The following KHNYN variants were observed in gnomAD, a reference collection of about 807,000 sequenced individuals.
KHNYN encodes KH and NYN domain containing, also known as protein KHNYN.
Under a neutral mutation model 62.7 loss-of-function variants are expected in KHNYN, and 42 were observed. The ratio of observed to expected loss-of-function variants is 0.67; its 90% CI spans 0.52 to 0.87. The LOEUF is 0.87. Among genes scored for constraint, KHNYN ranks in the 40% least tolerant of loss-of-function variants. KHNYN has a pLI of 0.00. For missense variants in KHNYN, 829 were observed against 874.1 expected (o/e 0.95, Z 0.65); for synonymous variants, 347 against 345.6 (o/e 1.00, Z -0.04).
At chr14:24,433,176 T>C (rs377325756) in intron 5 of KHNYN, 144 bp downstream of exon 5, 15 of 732,368 alleles carry the variant, frequency 2.0e-5, no homozygotes, top group East Asian at 8.0e-5. Flanking sequence ...GTGTGCCTTA[T>C]GATTGGGTAG....
Position 24,441,215 on chromosome 14 carries a change from C to T in KHNYN, c.*3930C>T. On this transcript the variant is annotated 3_prime_UTR_variant, in exon 8 of 8. Transcript: ENST00000553935. ...TAATCAGCTCCCTCATTTATTAACT[C>T]TCTGACTTGATGCAAGTTACTTAAC... The T allele has an allele frequency of 2.0e-6, 1 of 511,728 alleles. No homozygotes were observed. The highest frequency in any genetic ancestry group is 3.5e-6 in the Non-Finnish European group (1 of 284,806). The allele number at this position is 511,728 out of a possible 1,614,324, so 31.7% of individuals were successfully genotyped here. A position where few individuals can be genotyped will look rare whatever the true frequency, so the allele number is the denominator to read the frequency against.
At chr14:24,424,941 T>C (rs1030402325), upstream of KHNYN, among the ~76,000 whole-genome samples, 1 of 152,192 alleles carries the variant, frequency 6.6e-6, no homozygotes, top group African/African-American at 2.4e-5. Context: ...TGGTAGTACT[T>C]TGTGGCCAGA....
upstream of KHNYN, chr14:24,428,203 G>T (rs950225438): frequency 4.6e-5 from 71 of 1,560,326 alleles, 2 homozygotes; most frequent in Non-Finnish European, 6.1e-6. Flanking sequence ...TCAATGGAGA[G>T]TCCACCCGGA....
rs780704127 is a variant in KHNYN at position 24,437,250 on chromosome 14, CAACT to C, written c.2003_2006del (p.Gln668ArgfsTer33). On this transcript the variant is annotated frameshift_variant, in exon 8 of 8. Coordinates refer to ENST00000553935, the MANE Select transcript of KHNYN (RefSeq NM_015299.3). LOFTEE classifies it high-confidence loss of function. This position sits in a 1 kb window ranked among gnomAD's most constrained non-coding sequence, Gnocchi z 5.5. ...GGAGCCATACTGCCGGGACATCAAC[CAACT>C]GTCTGAGGCCCTGCTCAGTCTTAAC... 1.2e-5 allele frequency: 19 copies of C among 1,614,174 alleles called. No individual in the cohort carries two copies. Among genetic ancestry groups the C allele is most frequent in the Admixed American group, 1.7e-5 (1 of 60,026 alleles).
intron 1 of KHNYN, 158 bp downstream of exon 1, chr14:24,430,277 A>G: frequency 1.4e-6 from 1 of 707,700 alleles, no homozygotes; most frequent in Non-Finnish European, 1.7e-6. Flanking sequence ...GGAGAGGGGC[A>G]GCGGACGGCT....
At chr14:24,425,770 A>G (rs1354816506), upstream of KHNYN, among the ~76,000 whole-genome samples, 1 of 152,256 alleles carries the variant, frequency 6.6e-6, no homozygotes, top group Non-Finnish European at 1.5e-5. Context: ...AAGCCTGAGC[A>G]GTGAACAGTT....
chr14:24,434,905 C>T lies in KHNYN; in HGVS notation c.1578-1167C>T, dbSNP rs190623336. On this transcript the variant is annotated intron_variant, in intron 5 of 7. Transcript: ENST00000553935. ...AAGATCTGATTCTTGACTAGAGAGC[C>T]GAAAGAAACCATAAATCAAACACTA... Among the ~76,000 whole-genome samples the T allele has an allele frequency of 3.5e-4, 54 of 152,176 alleles. 1 individual carries two copies. Among genetic ancestry groups the T allele is most frequent in the East Asian group, 2.7e-3 (14 of 5,182 alleles).
rs543713419 is a variant in KHNYN at position 24,432,020 on chromosome 14, C to T, written c.759C>T (p.Tyr253=). 16 of 1,607,876 alleles carry T rather than the reference C, an allele frequency of 1.0e-5. No individual in the cohort carries two copies. Among genetic ancestry groups the T allele is most frequent in the Admixed American group, 3.4e-5 (2 of 59,698 alleles). Residue 253 remains tyrosine, a synonymous_variant, in exon 3 of 8, where the codon TAC becomes TAT. Transcript: ENST00000553935. The surrounding 1 kb of genome is among the most constrained non-coding windows in gnomAD (Gnocchi z 5.6). The part of the protein sequence containing the change: ...GDCRGARGDT[Y]AVEKEGGKQG... ...GCAGGGGAGCAAGGGGAGACACTTA[C>T]GCTGTGGAGAAGGAGGGAGGGAAAC...
chr14:24,435,348 A>C (rs960779671), intron 5 of KHNYN: 2 of 152,370 alleles, frequency 1.3e-5, no homozygotes, highest in Non-Finnish European at 2.9e-5. Context: ...AGAAGGCCTT[A>C]GCTGCCAGGC....
Position 24,441,840 on chromosome 14 carries a change from T to C in KHNYN, c.*4555T>C. On this transcript the variant is annotated 3_prime_UTR_variant, in exon 8 of 8. Transcript: ENST00000553935. ...AATAAAAAGCCACTAAATACATAAG[T>C]GCACATATCCCTCTCTCTGTCTTTT... 3.8e-6 allele frequency: 6 copies of C among 1,581,528 alleles called. No homozygotes were observed. The highest frequency in any genetic ancestry group is 5.2e-6 in the Non-Finnish European group (6 of 1,163,722).
chr14:24,429,350 G>C (rs2273633), upstream of KHNYN: 41,362 of 653,986 alleles, frequency 0.063, 2,440 homozygotes, highest in East Asian at 0.22. Context: ...AGAGCTTCAG[G>C]GCAGCCCTGC....
rs913054560 is a variant in KHNYN, at chr14:24,440,239, G to C, written c.*2954G>C. 1 of 1,613,936 alleles carries C rather than the reference G, an allele frequency of 6.2e-7. No individual in the cohort carries two copies. Among genetic ancestry groups the C allele is most frequent in the South Asian group, 1.1e-5 (1 of 91,090 alleles). On this transcript the variant is annotated 3_prime_UTR_variant, in exon 8 of 8. Coordinates refer to ENST00000553935, the MANE Select transcript of KHNYN (RefSeq NM_015299.3). ...CTTGCACCACAGCGCTGGGGAGAGGGATGAAGGCTCGGCGGCCCAGGGCAG... is the reference window on the plus strand; with the variant it reads ...CTTGCACCACAGCGCTGGGGAGAGGCATGAAGGCTCGGCGGCCCAGGGCAG...
At chr14:24,435,941 G>A (rs962631126) in intron 5 of KHNYN, 131 bp from the exon 6 acceptor site, 1 of 706,922 alleles carries the variant, frequency 1.4e-6, no homozygotes. Flanking sequence ...TACCAATACA[G>A]TTTTGCTACA....
upstream of KHNYN, among the ~76,000 whole-genome samples, chr14:24,426,073 A>C (rs1371120282): frequency 6.6e-6 from 1 of 152,242 alleles, no homozygotes; most frequent in Non-Finnish European, 1.5e-5. Flanking sequence ...TCAGCATATT[A>C]ACTACTTTTT....
upstream of KHNYN, chr14:24,428,644 G>A: frequency 4.6e-6 from 6 of 1,293,442 alleles, no homozygotes; most frequent in South Asian, 7.1e-5. Flanking sequence ...AGTGAAAGAT[G>A]TAGGAAGCTG....
In KHNYN at chr14:24,430,058, G is replaced by A. The variant is rs1015050657; in HGVS notation, c.-79G>A. On this transcript the variant is annotated 5_prime_UTR_variant, in exon 1 of 8. Coordinates refer to ENST00000553935, the MANE Select transcript of KHNYN (RefSeq NM_015299.3). Reference sequence around the variant, plus strand: ...CCCTTGTCCCCTGGGCTGGGGGCGCGGGCAAAGCGGGGGCCTGGCGGGCGC... The same window carrying A: ...CCCTTGTCCCCTGGGCTGGGGGCGCAGGCAAAGCGGGGGCCTGGCGGGCGC... The A allele has an allele frequency of 4.1e-6, 4 of 985,280 alleles. No homozygotes were observed. The African/African-American group carries it at 7.0e-5, about 17-fold the overall frequency. The allele number at this position is 985,280 out of a possible 1,614,324, so 61.0% of individuals were successfully genotyped here. A position where few individuals can be genotyped will look rare whatever the true frequency, so the allele number is the denominator to read the frequency against.
At chr14:24,424,693 G>C (rs541759602), upstream of KHNYN, among the ~76,000 whole-genome samples, 35 of 152,288 alleles carry the variant, frequency 2.3e-4, no homozygotes, top group Middle Eastern at 0.017. Context: ...AGAAGGACTT[G>C]GCTTGCAGTT....
At position 24,436,043 on chromosome 14, in the gene KHNYN, T is replaced by C. The variant is rs2043198713; in HGVS notation, c.1578-29T>C. ...TACCCAGTAGGTAATTTTTCAACCC[T>C]CTCTCGGTTGCTGTGGTTTTGGAGA... On this transcript the variant is annotated intron_variant, in intron 5 of 7. Transcript: ENST00000553935. 5 of 1,576,226 alleles carry C rather than the reference T, an allele frequency of 3.2e-6. No homozygotes were observed. In the South Asian group the frequency reaches 4.4e-5, roughly 14 times the overall value.
intron 5 of KHNYN, chr14:24,434,378 T>C (rs2043173050): frequency 1.0e-6 from 1 of 985,160 alleles, no homozygotes; most frequent in Admixed American, 6.1e-5. Flanking sequence ...AAAATACCAT[T>C]TGCATACCAT....
Sources: allele counts gnomAD v4.1 joint callset (sites outside exome capture counted in the v4.1 genomes callset), GRCh38; gene constraint gnomAD v4.1.1; non-coding constraint Gnocchi (gnomAD v3.1); transcripts MANE v1.5; gene names NCBI Gene and HGNC (gene_info 2026-07-23, HGNC 2026-07-21).